Variants in KSR2 observed in about 807,000 individuals in gnomAD.
The protein encoded by KSR2 is kinase suppressor of ras 2.
Under a neutral mutation model 107.8 loss-of-function variants are expected in KSR2, and 25 were observed. The observed-to-expected ratio is 0.23, with a 90% CI of 0.17 to 0.32. The LOEUF (loss-of-function observed/expected upper bound fraction) is 0.32, where lower values mean the gene tolerates loss of function less well. Among genes scored for constraint, KSR2 ranks in the 10% least tolerant of loss-of-function variants. KSR2 has a pLI of 1.00. For missense variants in KSR2, 887 were observed against 1,268.9 expected (o/e 0.70, Z 4.57); for synonymous variants, 480 against 507.0 (o/e 0.95, Z 0.71).
chr12:117,855,330 C>A, intron 3 of KSR2, 98 bp downstream of exon 3: 1 of 1,525,010 alleles, frequency 6.6e-7, no homozygotes, highest in Non-Finnish European at 9.0e-7. Context: ...TTGACTCTGT[C>A]TCGTCCTGGC....
intron 1 of KSR2, among the ~76,000 whole-genome samples, chr12:117,920,246 G>A (rs1002071394): frequency 6.6e-6 from 1 of 152,064 alleles, no homozygotes; most frequent in Non-Finnish European, 1.5e-5. Context: ...GTAAAGGTAG[G>A]AGCCACTATG....
At chr12:117,568,199 C>A (rs1469128969) in intron 7 of KSR2, among the ~76,000 whole-genome samples, 1 of 152,184 alleles carries the variant, frequency 6.6e-6, no homozygotes, top group African/African-American at 2.4e-5. Flanking sequence ...CTCTCCCTCG[C>A]CTTCCCTGAA....
At chr12:117,671,278 C>T (rs2136498537) in intron 4 of KSR2, among the ~76,000 whole-genome samples, 1 of 152,300 alleles carries the variant, frequency 6.6e-6, no homozygotes, top group East Asian at 1.9e-4. Context: ...CTCTTCCCTC[C>T]TAGACTGGGT....
intron 1 of KSR2, among the ~76,000 whole-genome samples, chr12:117,953,978 T>C (rs1237072968): frequency 6.6e-6 from 1 of 152,024 alleles, no homozygotes; most frequent in Non-Finnish European, 1.5e-5. Context: ...TAGTCCCAGC[T>C]ACTCAGGAGG....
chr12:117,944,668 C>A (rs1322719651), intron 1 of KSR2, among the ~76,000 whole-genome samples: 1 of 151,914 alleles, frequency 6.6e-6, no homozygotes, highest in Non-Finnish European at 1.5e-5. Context: ...CCAGCCTGGG[C>A]AACAAAGCAA....
At chr12:117,615,488 T>A (rs1158989498) in intron 5 of KSR2, among the ~76,000 whole-genome samples, 2 of 152,148 alleles carry the variant, frequency 1.3e-5, no homozygotes, top group Non-Finnish European at 2.9e-5. Context: ...TATTACTATG[T>A]CCACCTAGTG....
At chr12:117,859,443 G>A (rs896719007) in intron 2 of KSR2, among the ~76,000 whole-genome samples, 5 of 141,624 alleles carry the variant, frequency 3.5e-5, no homozygotes, top group Admixed American at 7.1e-5. Context: ...TGTTTTTTTC[G>A]TTTTTTGTTT....
chr12:117,736,664 T>C lies in KSR2; in HGVS notation c.986+24347A>G, dbSNP rs538348860. ...GTCTCTACCAAAAAAATTACAAAAATTAGTTGGGTGTGGTGGTGCATGCCT... is the reference window on the plus strand; with the variant it reads ...GTCTCTACCAAAAAAATTACAAAAACTAGTTGGGTGTGGTGGTGCATGCCT... On this transcript the variant is annotated intron_variant, in intron 4 of 19. Coordinates refer to ENST00000339824, the MANE Select transcript of KSR2 (RefSeq NM_173598.6). 2.6e-5 allele frequency among the ~76,000 whole-genome samples: 4 copies of C among 151,374 alleles called. No homozygotes were observed. The South Asian group carries it at 8.4e-4, about 32-fold the overall frequency.
chr12:117,761,956 T>C (rs897053495), intron 3 of KSR2, among the ~76,000 whole-genome samples: 1 of 152,226 alleles, frequency 6.6e-6, no homozygotes, highest in Non-Finnish European at 1.5e-5. Flanking sequence ...ATCAAATGCA[T>C]GTTACATCAT....
At chr12:117,659,675 C>A (rs1263030877) in intron 5 of KSR2, among the ~76,000 whole-genome samples, 1 of 152,162 alleles carries the variant, frequency 6.6e-6, no homozygotes, top group Non-Finnish European at 1.5e-5. Flanking sequence ...ACTCTCTAGC[C>A]TCAGTTTCCC....
intron 1 of KSR2, among the ~76,000 whole-genome samples, chr12:117,886,254 T>C (rs11068714): frequency 0.11 from 17,107 of 150,486 alleles, 1,064 homozygotes; most frequent in Non-Finnish European, 0.13. Flanking sequence ...TATATATGTA[T>C]GTTTATATAG....
At chr12:117,471,390 G>C in intron 17 of KSR2, 70 bp from the exon 18 acceptor site, 1 of 1,512,012 alleles carries the variant, frequency 6.6e-7, no homozygotes, top group Non-Finnish European at 9.0e-7. Context: ...TCCATTATTA[G>C]CACACACCCA....
intron 1 of KSR2, among the ~76,000 whole-genome samples, chr12:117,961,885 C>T (rs762024858): frequency 2.0e-5 from 3 of 152,084 alleles, no homozygotes; most frequent in African/African-American, 7.2e-5. Context: ...GTGATTACAC[C>T]GGTAATCCCA....
intron 4 of KSR2, among the ~76,000 whole-genome samples, chr12:117,738,644 G>T (rs561478472): frequency 2.6e-4 from 39 of 152,212 alleles, no homozygotes; most frequent in African/African-American, 8.9e-4. Context: ...GGAGGCTGAG[G>T]CGGGCGGATT....
intron 14 of KSR2, among the ~76,000 whole-genome samples, chr12:117,524,247 T>C (rs949072787): frequency 1.3e-5 from 2 of 152,214 alleles, no homozygotes; most frequent in African/African-American, 4.8e-5. Context: ...ATTTCACATA[T>C]GGAGAAAGTG....
chr12:117,627,382 G>A (rs1367928724), intron 5 of KSR2, among the ~76,000 whole-genome samples: 1 of 152,188 alleles, frequency 6.6e-6, no homozygotes, highest in Non-Finnish European at 1.5e-5. Context: ...AGGAACTCTT[G>A]TAAGGCAGGC....
intron 4 of KSR2, among the ~76,000 whole-genome samples, chr12:117,736,621 G>A (rs1887949577): frequency 6.6e-6 from 1 of 152,014 alleles, no homozygotes; most frequent in African/African-American, 2.4e-5. Flanking sequence ...TCCAGCCTGG[G>A]CAACGTGGCG....
chr12:117,543,526 T>A (rs1876646512), intron 9 of KSR2, among the ~76,000 whole-genome samples: 1 of 152,254 alleles, frequency 6.6e-6, no homozygotes, highest in South Asian at 2.1e-4. Context: ...ATATTCTAGT[T>A]CCTTTGTCTT....
At chr12:117,494,467 G>A (rs1872915943) in intron 14 of KSR2, among the ~76,000 whole-genome samples, 1 of 152,186 alleles carries the variant, frequency 6.6e-6, no homozygotes, top group African/African-American at 2.4e-5. Context: ...CAAGTTTCCA[G>A]AAAATGCTGA....
Sources: allele counts gnomAD v4.1 joint callset (sites outside exome capture counted in the v4.1 genomes callset), GRCh38; gene constraint gnomAD v4.1.1; transcripts MANE v1.5; gene names NCBI Gene and HGNC (gene_info 2026-07-23, HGNC 2026-07-21).